The following SVOP variants were observed in gnomAD, a reference collection of about 807,000 sequenced individuals.
SVOP encodes SV2 related protein.
Under a neutral mutation model 69.1 loss-of-function variants are expected in SVOP, and 17 were observed. That is an observed-to-expected ratio of 0.25 (90% CI 0.17 to 0.37). The LOEUF is 0.37. Ranked by LOEUF, SVOP falls within the 10% of genes least tolerant of loss-of-function variation. The pLI is 1.00. For missense variants in SVOP, 435 were observed against 597.5 expected (o/e 0.73, Z 2.84); for synonymous variants, 238 against 238.6 (o/e 1.00, Z 0.02).
At chr12:108,980,623 G>A (rs1297437426) in intron 2 of SVOP, among the ~76,000 whole-genome samples, 3 of 95,436 alleles carry the variant, frequency 3.1e-5, no homozygotes, top group Non-Finnish European at 4.4e-5. Flanking sequence ...GGTGGCGGGC[G>A]CCTGTAGTCC....
At chr12:108,993,878 G>A (rs2040217001) in intron 1 of SVOP, among the ~76,000 whole-genome samples, 1 of 152,162 alleles carries the variant, frequency 6.6e-6, no homozygotes, top group Admixed American at 6.5e-5. Context: ...ATGAACGTTT[G>A]CGTGCATTCT....
intron 10 of SVOP, among the ~76,000 whole-genome samples, chr12:108,935,261 A>G (rs2137401734): frequency 6.6e-6 from 1 of 152,348 alleles, no homozygotes; most frequent in East Asian, 1.9e-4. Flanking sequence ...AAATTAGAAT[A>G]CTCAAGTTTG....
At chr12:108,972,500 A>G (rs2040085294) in intron 4 of SVOP, 24 bp from the exon 5 acceptor site, 10 of 1,536,262 alleles carry the variant, frequency 6.5e-6, no homozygotes, top group Non-Finnish European at 7.9e-6. Flanking sequence ...GACAGTTGTC[A>G]TTAGACAGAG....
chr12:108,950,662 G>A (rs1229809710), intron 6 of SVOP, among the ~76,000 whole-genome samples: 5 of 152,224 alleles, frequency 3.3e-5, no homozygotes, highest in Non-Finnish European at 7.3e-5. Context: ...TGGGATTGCA[G>A]GCATGAGCCA....
chr12:108,913,388 G>A (rs961332874), intron 15 of SVOP, among the ~76,000 whole-genome samples: 11 of 152,086 alleles, frequency 7.2e-5, no homozygotes, highest in African/African-American at 1.9e-4. Flanking sequence ...AACACAAAAC[G>A]GACCAACACA....
At chr12:109,013,489 C>G (rs1337639986) in intron 1 of SVOP, among the ~76,000 whole-genome samples, 2 of 151,652 alleles carry the variant, frequency 1.3e-5, no homozygotes, top group African/African-American at 4.8e-5. Flanking sequence ...CTCCCAGGTT[C>G]AAGTGATTCT....
At chr12:108,917,797 C>G (rs2039723100) in intron 14 of SVOP, among the ~76,000 whole-genome samples, 2 of 152,138 alleles carry the variant, frequency 1.3e-5, no homozygotes, top group African/African-American at 4.8e-5. Flanking sequence ...TGTGCGCCAC[C>G]ACAGCCTGGC....
intron 1 of SVOP, among the ~76,000 whole-genome samples, chr12:108,997,454 C>T (rs2040241921): frequency 6.6e-6 from 1 of 152,008 alleles, no homozygotes; most frequent in African/African-American, 2.4e-5. Context: ...TGGGTGGAGC[C>T]CACCACAGCT....
At chr12:108,963,120 G>A (rs572679886) in intron 5 of SVOP, among the ~76,000 whole-genome samples, 4 of 152,198 alleles carry the variant, frequency 2.6e-5, no homozygotes, top group Admixed American at 1.3e-4. Flanking sequence ...CAAATTTCAC[G>A]TGCATTTTCA....
rs1237905252 is a variant in SVOP, at chr12:109,001,861, A to G, written c.36-18100T>C. Among the ~76,000 whole-genome samples the G allele has an allele frequency of 7.3e-5, 11 of 151,556 alleles. No homozygotes were observed. In the East Asian group the frequency reaches 2.1e-3, roughly 29 times the overall value. On this transcript the variant is annotated intron_variant, in intron 1 of 15. Coordinates refer to ENST00000610966, the MANE Select transcript of SVOP (RefSeq NM_018711.5). ...GACCTAAAACCATAAAAACCCTAGAAGAAAACCTAGGCATTACCATTCAGG... is the reference window on the plus strand; with the variant it reads ...GACCTAAAACCATAAAAACCCTAGAGGAAAACCTAGGCATTACCATTCAGG...
chr12:109,016,919 A>T (rs2040370755), intron 1 of SVOP, among the ~76,000 whole-genome samples: 1 of 151,834 alleles, frequency 6.6e-6, no homozygotes, highest in Non-Finnish European at 1.5e-5. Context: ...ATTAAGAAAA[A>T]AATTTTTTTA....
At chr12:108,946,553 AGCCT>A (rs1464838770) in intron 6 of SVOP, among the ~76,000 whole-genome samples, 2 of 151,934 alleles carry the variant, frequency 1.3e-5, no homozygotes, top group Non-Finnish European at 2.9e-5. Context: ...AATGGGTCGA[AGCCT>A]GTTACTATTT....
intron 8 of SVOP, among the ~76,000 whole-genome samples, chr12:108,939,159 C>T (rs1199941977): frequency 6.6e-6 from 1 of 152,198 alleles, no homozygotes; most frequent in Non-Finnish European, 1.5e-5. Context: ...GCTTTCATTT[C>T]CTTCTCCATA....
At chr12:108,930,344 G>A (rs2039808932) in intron 11 of SVOP, among the ~76,000 whole-genome samples, 2 of 150,556 alleles carry the variant, frequency 1.3e-5, no homozygotes, top group Non-Finnish European at 3.0e-5. Flanking sequence ...AAACAGGAAA[G>A]TAACAGAAGA....
At chr12:108,967,656 C>T (rs912888608) in intron 5 of SVOP, among the ~76,000 whole-genome samples, 1 of 152,142 alleles carries the variant, frequency 6.6e-6, no homozygotes, top group African/African-American at 2.4e-5. Flanking sequence ...ACCTCAGCAC[C>T]GCCAACATCT....
chr12:109,009,161 C>A (rs1309048000), intron 1 of SVOP, among the ~76,000 whole-genome samples: 1 of 151,470 alleles, frequency 6.6e-6, no homozygotes, highest in African/African-American at 2.4e-5. Flanking sequence ...AGGGTTTTGC[C>A]GTGTTGGCCA....
chr12:108,927,559 G>A (rs535332476), intron 11 of SVOP, among the ~76,000 whole-genome samples: 6 of 148,540 alleles, frequency 4.0e-5, no homozygotes, highest in South Asian at 4.3e-4. Context: ...ATTCACTGAC[G>A]TATTCTAATG....
At chr12:109,004,862 C>T (rs879531264) in intron 1 of SVOP, among the ~76,000 whole-genome samples, 10 of 152,058 alleles carry the variant, frequency 6.6e-5, no homozygotes, top group Admixed American at 2.6e-4. Context: ...CTCATCCCCC[C>T]GAGTAGCTGG....
At chr12:108,932,382 G>T (rs751615025) in intron 11 of SVOP, among the ~76,000 whole-genome samples, 1 of 152,116 alleles carries the variant, frequency 6.6e-6, no homozygotes, top group Non-Finnish European at 1.5e-5. Flanking sequence ...CAAGGCTGCA[G>T]TGAGCTATGA....
Sources: gnomAD v4.1 joint callset for allele counts (sites outside exome capture counted in the v4.1 genomes callset) on GRCh38, gnomAD v4.1.1 for gene constraint, MANE v1.5 for transcripts, NCBI Gene and HGNC (gene_info 2026-07-23, HGNC 2026-07-21) for gene names.